Variants in SNX29 observed in about 807,000 individuals in gnomAD.
SNX29 encodes sorting nexin 29.
A neutral mutation model predicts 102.1 loss-of-function variants in SNX29; 78 were observed. The observed-to-expected ratio is 0.76, with a 90% confidence interval of 0.64 to 0.92. The LOEUF (loss-of-function observed/expected upper bound fraction) is 0.92. SNX29 is among the 40% of genes least tolerant of loss of function. The pLI is 0.00. For missense variants in SNX29, 1,280 were observed against 1,061.7 expected (o/e 1.21, Z -2.86); for synonymous variants, 580 against 414.5 (o/e 1.40, Z -4.85).
Position 12,570,640 on chromosome 16 carries a change from C to T in SNX29, c.*2011C>T, listed in dbSNP as rs558717653. Reference sequence around the variant, plus strand: ...CTCTGTTGGATAAAGGAACCTCCCCCATCTGTGACATTCCCTTGGGCCCAG... The same window carrying T: ...CTCTGTTGGATAAAGGAACCTCCCCTATCTGTGACATTCCCTTGGGCCCAG... On this transcript the variant is annotated 3_prime_UTR_variant, in exon 21 of 21. Transcript: ENST00000566228. 3.2e-4 allele frequency: 75 copies of T among 232,334 alleles called. No individual in the cohort carries two copies. Among genetic ancestry groups the T allele is most frequent in the Non-Finnish European group, 5.6e-4 (66 of 117,476 alleles). 14.4% of individuals were successfully genotyped at this position (232,334 alleles called of 1,614,324 possible).
At chr16:12,072,920 T>C (rs1343403797) in intron 10 of SNX29, among the ~76,000 whole-genome samples, 1 of 152,232 alleles carries the variant, frequency 6.6e-6, no homozygotes. Flanking sequence ...TCGAGGAATT[T>C]ATCCATTTCT....
chr16:12,242,532 C>T (rs2078138275), intron 14 of SNX29, among the ~76,000 whole-genome samples: 3 of 150,408 alleles, frequency 2.0e-5, no homozygotes, highest in Admixed American at 2.0e-4. Context: ...GAGCATCCCT[C>T]CCAGGGGTTC....
intron 13 of SNX29, among the ~76,000 whole-genome samples, chr16:12,157,774 C>G (rs1347237933): frequency 6.6e-6 from 1 of 152,184 alleles, no homozygotes; most frequent in Non-Finnish European, 1.5e-5. Flanking sequence ...GCCCTATTCC[C>G]TACACTATGA....
intron 13 of SNX29, among the ~76,000 whole-genome samples, chr16:12,175,620 C>T (rs188221349): frequency 1.3e-4 from 19 of 150,082 alleles, no homozygotes; most frequent in East Asian, 2.0e-4. Flanking sequence ...CCCTGCACTC[C>T]GGCCTGGGTG....
In SNX29 at chr16:12,572,692, T is replaced by TC. The variant is rs747058502; in HGVS notation, c.*4065dup. On this transcript the variant is annotated 3_prime_UTR_variant, in exon 21 of 21. Coordinates refer to ENST00000566228, the MANE Select transcript of SNX29 (RefSeq NM_032167.5). ...CACCCACACGGGGGAAGCCCTGCAC[T>TC]CCAGCAGCATCTTCCAGCCTTGGCA... The TC allele has an allele frequency of 9.4e-7, 1 of 1,063,564 alleles. No homozygotes were observed. Among genetic ancestry groups the TC allele is most frequent in the African/African-American group, 1.6e-5 (1 of 61,054 alleles). The allele number at this position is 1,063,564 out of a possible 1,614,324, so 65.9% of individuals were successfully genotyped here.
intron 1 of SNX29, among the ~76,000 whole-genome samples, chr16:11,992,055 G>A (rs1351437024): frequency 6.6e-6 from 1 of 152,172 alleles, no homozygotes; most frequent in Non-Finnish European, 1.5e-5. Context: ...AGCACATTGA[G>A]GGACTGAGGC....
chr16:12,159,648 C>T (rs1251554666), intron 13 of SNX29, among the ~76,000 whole-genome samples: 1 of 152,054 alleles, frequency 6.6e-6, no homozygotes, highest in Non-Finnish European at 1.5e-5. Context: ...TCACTTGAGC[C>T]CAGAAGTTTG....
At chr16:12,250,814 G>A (rs958490430) in intron 14 of SNX29, among the ~76,000 whole-genome samples, 7 of 152,188 alleles carry the variant, frequency 4.6e-5, no homozygotes, top group African/African-American at 1.7e-4. Flanking sequence ...AAAGACAAAC[G>A]GGTTTTCTAG....
intron 20 of SNX29, among the ~76,000 whole-genome samples, chr16:12,543,029 CA>C (rs1050021384): frequency 6.6e-6 from 1 of 152,144 alleles, no homozygotes; most frequent in African/African-American, 2.4e-5. Context: ...TGGCTGGATC[CA>C]GAGGCTCAAA....
intron 11 of SNX29, among the ~76,000 whole-genome samples, chr16:12,114,673 G>A (rs983538295): frequency 2.6e-5 from 4 of 151,498 alleles, no homozygotes; most frequent in Admixed American, 1.3e-4. Flanking sequence ...TGCAACCTCC[G>A]CCTCCTGGGT....
intron 14 of SNX29, among the ~76,000 whole-genome samples, chr16:12,234,018 T>G (rs573174771): frequency 1.0e-3 from 156 of 152,312 alleles, no homozygotes; most frequent in African/African-American, 3.6e-3. Context: ...GATGGACATT[T>G]GGGTTTCACT....
At chr16:12,509,572 G>A (rs2089518613) in intron 19 of SNX29, among the ~76,000 whole-genome samples, 1 of 152,166 alleles carries the variant, frequency 6.6e-6, no homozygotes, top group Admixed American at 6.5e-5. Flanking sequence ...AAACAGGTGT[G>A]GGCAAGAAAA....
At chr16:12,033,597 C>T (rs2057399406) in intron 4 of SNX29, among the ~76,000 whole-genome samples, 16 of 151,644 alleles carry the variant, frequency 1.1e-4, no homozygotes, top group Admixed American at 9.9e-4. Flanking sequence ...TGGAACTACC[C>T]GTTTTCTTTT....
intron 15 of SNX29, among the ~76,000 whole-genome samples, chr16:12,303,506 A>G (rs2151106598): frequency 6.6e-6 from 1 of 152,360 alleles, no homozygotes; most frequent in South Asian, 2.1e-4. Context: ...CATTCGTAAG[A>G]ATATGAGAAA....
At chr16:12,559,811 A>C (rs1405118922) in intron 20 of SNX29, among the ~76,000 whole-genome samples, 2 of 152,158 alleles carry the variant, frequency 1.3e-5, no homozygotes, top group Non-Finnish European at 2.9e-5. Context: ...CTTCCAGGCC[A>C]TTTCCATCAT....
rs565136186 is a variant in SNX29, at chr16:11,978,925, A to AAAAC, written c.7+2128_7+2131dup. 2.7e-5 allele frequency among the ~76,000 whole-genome samples: 4 copies of AAAAC among 146,570 alleles called. No homozygotes were observed. The South Asian group carries it at 6.6e-4, about 24-fold the overall frequency. ...GGGCGACAGAACAAGACTTCGTCTCAAAACAAACAAACAAACAAAAAAACA... is the reference window on the plus strand; with the variant it reads ...GGGCGACAGAACAAGACTTCGTCTCAAAACAAACAAACAAACAAACAAAAAAACA... On this transcript the variant is annotated intron_variant, in intron 1 of 20. Coordinates refer to ENST00000566228, the MANE Select transcript of SNX29 (RefSeq NM_032167.5).
chr16:12,540,110 A>G (rs903284091), intron 20 of SNX29, among the ~76,000 whole-genome samples: 1 of 152,172 alleles, frequency 6.6e-6, no homozygotes, highest in Non-Finnish European at 1.5e-5. Flanking sequence ...CAGGTCATAA[A>G]GATTTTCTCC....
chr16:12,114,300 G>A (rs1468320103), intron 11 of SNX29, among the ~76,000 whole-genome samples: 1 of 152,312 alleles, frequency 6.6e-6, no homozygotes, highest in East Asian at 1.9e-4. Context: ...TGGTTTTCAG[G>A]TCTACCCCTG....
intron 20 of SNX29, among the ~76,000 whole-genome samples, chr16:12,533,392 C>A (rs1228113183): frequency 6.6e-6 from 1 of 152,132 alleles, no homozygotes; most frequent in African/African-American, 2.4e-5. Context: ...GAGTCTTTCG[C>A]CCCTTTTGTG....
Sources: gnomAD v4.1 joint callset for allele counts (sites outside exome capture counted in the v4.1 genomes callset) on GRCh38, gnomAD v4.1.1 for gene constraint, MANE v1.5 for transcripts, NCBI Gene and HGNC (gene_info 2026-07-23, HGNC 2026-07-21) for gene names.